The following MAPK14 variants were observed in gnomAD, a reference collection of about 807,000 sequenced individuals.
MAPK14 encodes CSAID-binding protein.
Under a neutral mutation model 49.6 loss-of-function variants are expected in MAPK14, and 16 were observed. That is an observed-to-expected ratio of 0.32 (90% CI 0.22 to 0.49). The LOEUF (loss-of-function observed/expected upper bound fraction) is 0.49. MAPK14 is among the 20% of genes least tolerant of loss of function. The pLI is 0.99. For missense variants in MAPK14, 200 were observed against 441.2 expected (o/e 0.45, Z 4.90); for synonymous variants, 142 against 158.0 (o/e 0.90, Z 0.76).
intron 8 of MAPK14, chr6:36,092,506 C>T: frequency 1.8e-6 from 1 of 551,584 alleles, no homozygotes; most frequent in South Asian, 1.6e-5. Flanking sequence ...GTATGTTTCA[C>T]TGAGTCCCAA....
At chr6:36,065,256 G>A (rs759596473) in intron 3 of MAPK14, among the ~76,000 whole-genome samples, 68 of 152,358 alleles carry the variant, frequency 4.5e-4, no homozygotes, top group Admixed American at 2.0e-4. Context: ...CTTCGTTGCT[G>A]AATCATTATT....
intron 8 of MAPK14, chr6:36,092,475 C>T: frequency 1.5e-5 from 9 of 618,434 alleles, no homozygotes; most frequent in South Asian, 1.3e-4. Context: ...TACATCATCA[C>T]CAGTCTGTTC....
downstream of MAPK14, among the ~76,000 whole-genome samples, chr6:36,112,579 AG>A (rs568833635): frequency 2.4e-3 from 365 of 152,368 alleles, 3 homozygotes; most frequent in African/African-American, 7.9e-3. Context: ...ACGTGATCAT[AG>A]AAGGAAGTTT....
intron 6 of MAPK14, among the ~76,000 whole-genome samples, chr6:36,075,294 A>T (rs1275573027): frequency 6.6e-6 from 1 of 151,058 alleles, no homozygotes; most frequent in Non-Finnish European, 1.5e-5. Flanking sequence ...CTCCACCCCT[A>T]ACTCTGGCTC....
At chr6:36,036,544 A>C (rs1226652855) in intron 1 of MAPK14, among the ~76,000 whole-genome samples, 1 of 151,744 alleles carries the variant, frequency 6.6e-6, no homozygotes, top group Non-Finnish European at 1.5e-5. Context: ...CAATGCAGCA[A>C]TTCACCGTTG....
At chr6:36,034,292 G>A (rs1235283141) in intron 1 of MAPK14, among the ~76,000 whole-genome samples, 1 of 152,148 alleles carries the variant, frequency 6.6e-6, no homozygotes, top group East Asian at 1.9e-4. Flanking sequence ...GGAATTATTA[G>A]GCAGTGCAAA....
intron 3 of MAPK14, among the ~76,000 whole-genome samples, chr6:36,067,580 T>C (rs1314892314): frequency 1.3e-5 from 2 of 152,188 alleles, no homozygotes; most frequent in African/African-American, 4.8e-5. Context: ...ATGTAGACTG[T>C]GTGGTAAAAT....
downstream of MAPK14, among the ~76,000 whole-genome samples, chr6:36,113,982 G>C (rs978653374): frequency 1.3e-5 from 2 of 152,156 alleles, no homozygotes; most frequent in Non-Finnish European, 2.9e-5. Flanking sequence ...TCAGTAGAAG[G>C]GTGTATTTTA....
chr6:36,122,689 G>A, the MAPK14 span, among the ~76,000 whole-genome samples: 1 of 152,208 alleles, frequency 6.6e-6, no homozygotes, highest in African/African-American at 2.4e-5. Flanking sequence ...GGACCTCGGA[G>A]GAGGTGACAC....
At chr6:36,061,848 T>C (rs1338593727) in intron 3 of MAPK14, among the ~76,000 whole-genome samples, 2 of 152,256 alleles carry the variant, frequency 1.3e-5, no homozygotes, top group Non-Finnish European at 2.9e-5. Context: ...TGAAGTGTTT[T>C]AAATTACAGA....
the MAPK14 span, among the ~76,000 whole-genome samples, chr6:36,116,558 G>T: frequency 6.6e-6 from 1 of 152,106 alleles, no homozygotes; most frequent in Non-Finnish European, 1.5e-5. Flanking sequence ...AGCAATTCTT[G>T]TTAAGAATCC....
intron 9 of MAPK14, among the ~76,000 whole-genome samples, chr6:36,101,504 A>G (rs1280942308): frequency 6.6e-6 from 1 of 150,844 alleles, no homozygotes; most frequent in African/African-American, 2.5e-5. Flanking sequence ...TTTTTTTTTA[A>G]GACAGGATCT....
chr6:36,059,198 G>C, intron 2 of MAPK14, 91 bp from the exon 3 acceptor site: 4 of 820,060 alleles, frequency 4.9e-6, no homozygotes, highest in Non-Finnish European at 7.7e-6. Context: ...CCTAGACCCT[G>C]ACTCTTTAAA....
chr6:36,116,887 C>G, the MAPK14 span, among the ~76,000 whole-genome samples: 2 of 152,324 alleles, frequency 1.3e-5, no homozygotes, highest in East Asian at 3.9e-4. Flanking sequence ...ATGTCTCTTT[C>G]TCAGTCACGT....
chr6:36,038,677 G>A (rs535681839), intron 1 of MAPK14, among the ~76,000 whole-genome samples: 1 of 152,270 alleles, frequency 6.6e-6, no homozygotes, highest in South Asian at 2.1e-4. Flanking sequence ...CATTCCAGCA[G>A]TCCCAGAGTG....
At position 36,107,857 on chromosome 6, in the gene MAPK14, A is replaced by G. The variant is rs922149959; in HGVS notation, c.1015+229A>G. On this transcript the variant is annotated intron_variant, in intron 11 of 11. Transcript: ENST00000229794. The surrounding 1 kb of genome is among the most constrained non-coding windows in gnomAD (Gnocchi z 4.3). ...ACAGCCCCTCACATAGGAGTTTTGC[A>G]TGGAGAGTTGAGGTTTTCAGAGTCA... Among the ~76,000 whole-genome samples the G allele has an allele frequency of 1.3e-5, 2 of 152,230 alleles. No homozygotes were observed. The highest frequency in any genetic ancestry group is 4.1e-4 in the South Asian group (2 of 4,836).
intron 4 of MAPK14, among the ~76,000 whole-genome samples, chr6:36,073,380 T>C (rs181324414): frequency 2.5e-3 from 375 of 152,316 alleles, no homozygotes; most frequent in African/African-American, 8.1e-3. Context: ...AAGACTAATT[T>C]ATTTGTTGGA....
intron 1 of MAPK14, among the ~76,000 whole-genome samples, chr6:36,046,702 A>G (rs531097841): frequency 3.2e-4 from 49 of 152,340 alleles, no homozygotes; most frequent in Non-Finnish European, 4.4e-4. Context: ...GTTGGGGTCT[A>G]TAGGGTACTG....
intron 8 of MAPK14, among the ~76,000 whole-genome samples, chr6:36,090,358 C>G (rs948058551): frequency 6.6e-6 from 1 of 151,732 alleles, no homozygotes. Flanking sequence ...GAGTCTCACT[C>G]TGTTGCCTAG....
Sources: gnomAD v4.1 joint callset for allele counts (sites outside exome capture counted in the v4.1 genomes callset) on GRCh38, gnomAD v4.1.1 for gene constraint, Gnocchi (gnomAD v3.1) non-coding constraint, MANE v1.5 for transcripts, NCBI Gene and HGNC (gene_info 2026-07-23, HGNC 2026-07-21) for gene names.